The following TANC2 variants were observed in gnomAD, a reference collection of about 807,000 sequenced individuals.
TANC2 encodes the protein tetratricopeptide repeat, ankyrin repeat and coiled-coil containing 2, also known as protein TANC2.
In TANC2, 26 loss-of-function variants were observed where a neutral mutation model predicts 210.5. The ratio of observed to expected loss-of-function variants is 0.12; its 90% confidence interval spans 0.09 to 0.17. The LOEUF (loss-of-function observed/expected upper bound fraction) is 0.17, where lower values mean the gene tolerates loss of function less well. TANC2 is among the 10% of genes least tolerant of loss of function. The pLI is 1.00. For synonymous variants in TANC2, 931 were observed against 967.1 expected (o/e 0.96, Z 0.69); for missense variants, 2,129 against 2,608.9 (o/e 0.82, Z 4.01).
At chr17:63,126,051 A>C (rs1005864872) in intron 4 of TANC2, among the ~76,000 whole-genome samples, 1 of 152,132 alleles carries the variant, frequency 6.6e-6, no homozygotes, top group African/African-American at 2.4e-5. Context: ...ACTACTTCCT[A>C]GGGTTATTAT....
chr17:63,073,824 G>A (rs961430479), intron 2 of TANC2, 119 bp from the exon 3 acceptor site: 8 of 913,044 alleles, frequency 8.8e-6, no homozygotes, highest in Admixed American at 5.7e-5. Context: ...TTAATGATCC[G>A]GATTATAGGA....
rs1308471611 is a variant in TANC2 at position 63,333,473 on chromosome 17, T to G, written c.1576-6628T>G. On this transcript the variant is annotated intron_variant, in intron 11 of 27. Coordinates refer to ENST00000689528, the Ensembl canonical transcript of TANC2. ...ATTGCTATCATCTCTTGATAAAACTTGAATGGATGTGGGGTTGCTTCCTAT... is the reference window on the plus strand; with the variant it reads ...ATTGCTATCATCTCTTGATAAAACTGGAATGGATGTGGGGTTGCTTCCTAT... 3.3e-5 allele frequency among the ~76,000 whole-genome samples: 5 copies of G among 152,184 alleles called. No individual in the cohort carries two copies. In the East Asian group the frequency reaches 9.6e-4, roughly 29 times the overall value.
intron 4 of TANC2, among the ~76,000 whole-genome samples, chr17:63,102,625 T>C: frequency 7.1e-6 from 1 of 141,130 alleles, no homozygotes; most frequent in African/African-American, 2.6e-5. Context: ...TCCCCCCTCC[T>C]CCCTCCCCCC....
At chr17:63,020,769 G>T (rs914721631) in intron 2 of TANC2, among the ~76,000 whole-genome samples, 2 of 152,142 alleles carry the variant, frequency 1.3e-5, no homozygotes, top group Non-Finnish European at 2.9e-5. Context: ...ATAAAGAAAA[G>T]ATGTTTGTTT....
intron 5 of TANC2, chr17:63,153,172 C>A (rs932567867): frequency 2.0e-4 from 30 of 151,980 alleles, no homozygotes; most frequent in Admixed American, 2.0e-3. Context: ...TAACAATAAC[C>A]AAATGAATTG....
chr17:63,385,358 C>A (rs2047744725), intron 15 of TANC2, among the ~76,000 whole-genome samples: 2 of 152,132 alleles, frequency 1.3e-5, no homozygotes, highest in South Asian at 4.1e-4. Context: ...GATTGAGGCC[C>A]AAGTGGGGAG....
Position 62,988,295 on chromosome 17 carries a change from C to CTTT in TANC2, c.-23-21222_-23-21220dup, listed in dbSNP as rs59386058. Reference sequence around the variant, plus strand: ...GGCGTGCACCACCACACCTGGCTAACTTTTTTTTTTTTTTTTTTTTTTAGT... The same window carrying CTTT: ...GGCGTGCACCACCACACCTGGCTAACTTTTTTTTTTTTTTTTTTTTTTTTTAGT... On this transcript the variant is annotated intron_variant, in intron 1 of 27. Transcript: ENST00000689528. Among the ~76,000 whole-genome samples the CTTT allele has an allele frequency of 8.1e-4, 91 of 111,726 alleles. 1 individual carries two copies. Among genetic ancestry groups the CTTT allele is most frequent in the South Asian group, 1.5e-3 (5 of 3,276 alleles). 73.3% of individuals were successfully genotyped at this position (111,726 alleles called of 152,430 possible).
At chr17:63,280,988 A>G (rs2044042064) in intron 9 of TANC2, among the ~76,000 whole-genome samples, 1 of 152,172 alleles carries the variant, frequency 6.6e-6, no homozygotes, top group African/African-American at 2.4e-5. Flanking sequence ...TAATAAAAAC[A>G]TGTCTGAATT....
chr17:63,255,588 A>G (rs1013095618), intron 8 of TANC2, among the ~76,000 whole-genome samples: 3 of 152,136 alleles, frequency 2.0e-5, no homozygotes, highest in South Asian at 2.1e-4. Context: ...AGGTTTTCCA[A>G]TTGATTGGTA....
chr17:63,164,222 C>T (rs2040129159), intron 5 of TANC2, among the ~76,000 whole-genome samples: 1 of 148,742 alleles, frequency 6.7e-6, no homozygotes, highest in African/African-American at 2.5e-5. Flanking sequence ...GCAGCCTCAA[C>T]CTCCTGGGCT....
intron 1 of TANC2, among the ~76,000 whole-genome samples, chr17:62,972,063 G>T (rs1041051046): frequency 2.0e-5 from 3 of 152,180 alleles, no homozygotes; most frequent in Non-Finnish European, 4.4e-5. Flanking sequence ...GCTAAAGCAG[G>T]TTACGCAATT....
At chr17:62,979,473 G>C (rs74456925) in intron 1 of TANC2, among the ~76,000 whole-genome samples, 1 of 152,036 alleles carries the variant, frequency 6.6e-6, no homozygotes, top group Non-Finnish European at 1.5e-5. Context: ...TAGCAACTTC[G>C]TATGAGATTA....
intron 2 of TANC2, among the ~76,000 whole-genome samples, chr17:63,060,107 G>GT (rs1474501383): frequency 6.6e-6 from 1 of 152,120 alleles, no homozygotes; most frequent in Non-Finnish European, 1.5e-5. Flanking sequence ...AATCTGGTTC[G>GT]TAAGGGAAGA....
At position 63,411,501 on chromosome 17, in the gene TANC2, G is replaced by GCCT. The variant is rs1299398551; in HGVS notation, c.3590-9_3590-7dup. 6.2e-7 allele frequency: 1 copy of GCCT among 1,604,146 alleles called. No homozygotes were observed. Among genetic ancestry groups the GCCT allele is most frequent in the Non-Finnish European group, 8.5e-7 (1 of 1,175,094 alleles). ...TCTCCTCAGCCCTGTGCTATCACTT[G>GCCT]CCTTTGCAGGTGCCTCCATTGCTCT... On this transcript the variant is annotated splice_polypyrimidine_tract_variant and intron_variant, in intron 21 of 27. Coordinates refer to ENST00000689528, the Ensembl canonical transcript of TANC2.
At chr17:63,419,172 A>T (rs557773130) in intron 27 of TANC2, among the ~76,000 whole-genome samples, 1 of 152,272 alleles carries the variant, frequency 6.6e-6, no homozygotes, top group East Asian at 1.9e-4. Flanking sequence ...CCAGGGGCAC[A>T]TGGTCCCGAA....
At chr17:63,392,767 T>A (rs2147180303) in intron 17 of TANC2, among the ~76,000 whole-genome samples, 1 of 152,316 alleles carries the variant, frequency 6.6e-6, no homozygotes, top group East Asian at 1.9e-4. Context: ...ACACATTGCA[T>A]ACATGTATCA....
rs1045178063 is a variant in TANC2 at position 63,168,936 on chromosome 17, A to G, written c.433+17556A>G. Among the ~76,000 whole-genome samples, 4 of 152,328 alleles carry G rather than the reference A, an allele frequency of 2.6e-5. No individual in the cohort carries two copies. The East Asian group carries it at 7.7e-4, about 29-fold the overall frequency. ...CTTTATTAGCTTAGACATGTATGCT[A>G]CTGTTTGGAATATCATTTGTTCTCA... On this transcript the variant is annotated intron_variant, in intron 5 of 27. Coordinates refer to ENST00000689528, the Ensembl canonical transcript of TANC2.
intron 3 of TANC2, among the ~76,000 whole-genome samples, chr17:63,082,020 A>AG (rs56670363): frequency 1.3e-5 from 2 of 151,790 alleles, no homozygotes; most frequent in Non-Finnish European, 2.9e-5. Flanking sequence ...AAAAAAAAAA[A>AG]GTTAGCTGGG....
rs757042329 is a variant in TANC2, at chr17:63,420,930, G to A, written c.5200G>A (p.Asp1734Asn). The change falls in exon 28 of 28, where the codon GAC becomes AAC. Residue 1734 changes from aspartate to asparagine, a missense_variant. Asp to Asn is a conservative substitution (Grantham distance 23). This residue lies in a region of TANC2 where 584 missense variants were observed against 627.3 expected (regional missense o/e 0.93). Coordinates refer to ENST00000689528, the Ensembl canonical transcript of TANC2. The surrounding 1 kb of genome is among the most constrained non-coding windows in gnomAD (Gnocchi z 4.2). The stretch of plus-strand genomic sequence containing the variant: ...CAGTAAATACCAGTCTTCACAAGGA[G>A]ACATAGGAGTCAGCCAGAGCCGGTT... 1.9e-6 allele frequency: 3 copies of A among 1,613,912 alleles called. No individual in the cohort carries two copies. The highest frequency in any genetic ancestry group is 2.2e-5 in the East Asian group (1 of 44,896).
Sources: allele counts gnomAD v4.1 joint callset (sites outside exome capture counted in the v4.1 genomes callset), GRCh38; gene constraint gnomAD v4.1.1; regional missense constraint gnomAD v4.1.1; non-coding constraint Gnocchi (gnomAD v3.1); transcripts MANE v1.5; gene names NCBI Gene and HGNC (gene_info 2026-07-23, HGNC 2026-07-21).